The following ELK3 variants were observed in gnomAD, a reference collection of about 807,000 sequenced individuals.
ELK3 encodes the protein ETS transcription factor ELK3, also known as ETS domain-containing protein Elk-3.
ELK3 carries 10 observed loss-of-function variants against 28.9 expected under a neutral mutation model. That is an observed-to-expected ratio of 0.35 (90% CI 0.21 to 0.59). ELK3 has a LOEUF of 0.59. ELK3 is among the 20% of genes least tolerant of loss of function. The probability of loss-of-function intolerance (pLI) is 0.82; values close to 1 mark genes in which losing one functional copy is unlikely to be tolerated. For missense variants in ELK3, 463 were observed against 517.3 expected, an observed-to-expected ratio of 0.90 and a Z score of 1.02; for synonymous variants, 272 against 243.5, an observed-to-expected ratio of 1.12 and a Z score of -1.09.
At chr12:96,231,867 C>G (rs1281484013) in intron 2 of ELK3, among the ~76,000 whole-genome samples, 2 of 152,162 alleles carry the variant, frequency 1.3e-5, no homozygotes, top group African/African-American at 4.8e-5. Context: ...CCAGCCATCC[C>G]TTTGGAAACA....
At chr12:96,253,260 T>C (rs1423379129) in intron 3 of ELK3, among the ~76,000 whole-genome samples, 1 of 152,116 alleles carries the variant, frequency 6.6e-6, no homozygotes, top group Non-Finnish European at 1.5e-5. Context: ...AACTCGCATC[T>C]CACCAAAAAA....
chr12:96,269,756 TCTTCA>T lies in ELK3; in HGVS notation c.*2580_*2584del, dbSNP rs1157556832. On this transcript the variant is annotated 3_prime_UTR_variant, in exon 5 of 5. Coordinates refer to ENST00000228741, the MANE Select transcript of ELK3 (RefSeq NM_005230.4). Reference sequence around the variant, plus strand: ...TACACATCTTTTCTATGACTGCAAATCTTCACTTTATGTATCATTTTTACTGTCAT... The same window carrying T: ...TACACATCTTTTCTATGACTGCAAATCTTTATGTATCATTTTTACTGTCAT... The T allele has an allele frequency of 6.6e-6, 1 of 152,226 alleles. No homozygotes were observed. The highest frequency in any genetic ancestry group is 1.5e-5 in the Non-Finnish European group (1 of 68,026). The allele number at this position is 152,226 out of a possible 1,614,324, so 9.4% of individuals were successfully genotyped here.
chr12:96,204,586 TCAA>T (rs1188771482), intron 1 of ELK3, among the ~76,000 whole-genome samples: 1 of 152,076 alleles, frequency 6.6e-6, no homozygotes, highest in Non-Finnish European at 1.5e-5. Flanking sequence ...AGAGATTACA[TCAA>T]CAACAGCAGC....
At position 96,247,254 on chromosome 12, in the gene ELK3, C is replaced by A; in HGVS notation, c.522C>A (p.Pro174=). 11 of 1,614,202 alleles carry A rather than the reference C, an allele frequency of 6.8e-6. No homozygotes were observed. In the South Asian group the frequency reaches 1.1e-4, roughly 16 times the overall value. Residue 174 remains proline, a synonymous_variant, in exon 3 of 5, where the codon CCC becomes CCA. Coordinates refer to ENST00000228741, the MANE Select transcript of ELK3 (RefSeq NM_005230.4). The surrounding 1 kb of genome is among the most constrained non-coding windows in gnomAD (Gnocchi z 5.5). ...EKLEEPPEDS[P]PVEEVRTVIR... Reference sequence around the variant, plus strand: ...TGGAGGAGCCGCCCGAAGACAGCCCCCCCGTGGAAGAAGTCAGGACTGTGA... The same window carrying A: ...TGGAGGAGCCGCCCGAAGACAGCCCACCCGTGGAAGAAGTCAGGACTGTGA...
chr12:96,260,402 C>A (rs1210245569), intron 4 of ELK3, among the ~76,000 whole-genome samples: 1 of 152,150 alleles, frequency 6.6e-6, no homozygotes, highest in Non-Finnish European at 1.5e-5. Flanking sequence ...AAATAGTGAA[C>A]AATTTCCCCA....
intron 1 of ELK3, among the ~76,000 whole-genome samples, chr12:96,221,746 T>A (rs1592676635): frequency 6.6e-6 from 1 of 151,964 alleles, no homozygotes; most frequent in Non-Finnish European, 1.5e-5. Flanking sequence ...GCAGAGGTGG[T>A]TTTGACCCAG....
intron 2 of ELK3, among the ~76,000 whole-genome samples, chr12:96,225,345 G>A (rs937926671): frequency 4.6e-5 from 7 of 152,258 alleles, no homozygotes; most frequent in African/African-American, 1.4e-4. Context: ...TAAGGGTTGT[G>A]TCTCTTTAGC....
chr12:96,245,688 C>T (rs1014707487), intron 2 of ELK3, among the ~76,000 whole-genome samples: 6 of 152,088 alleles, frequency 3.9e-5, no homozygotes. Context: ...TCTCTCTGAG[C>T]CCCTTGGACG....
At chr12:96,239,896 G>C (rs1429550777) in intron 2 of ELK3, among the ~76,000 whole-genome samples, 1 of 152,234 alleles carries the variant, frequency 6.6e-6, no homozygotes, top group Non-Finnish European at 1.5e-5. Context: ...ACCACCTTTC[G>C]GGGCCTGACA....
At chr12:96,252,818 G>A (rs1261607236) in intron 3 of ELK3, among the ~76,000 whole-genome samples, 6 of 152,218 alleles carry the variant, frequency 3.9e-5, no homozygotes, top group Non-Finnish European at 8.8e-5. Flanking sequence ...AAAGGACTGA[G>A]AATATTACAT....
chr12:96,213,086 A>T (rs1210155499), intron 1 of ELK3, among the ~76,000 whole-genome samples: 1 of 152,212 alleles, frequency 6.6e-6, no homozygotes, highest in Non-Finnish European at 1.5e-5. Flanking sequence ...ATAGCTGTTT[A>T]TGTGTTGTGG....
At chr12:96,198,814 C>T (rs754883409) in intron 1 of ELK3, among the ~76,000 whole-genome samples, 1 of 152,078 alleles carries the variant, frequency 6.6e-6, no homozygotes. Flanking sequence ...ATGCACATAC[C>T]ATTTTTAATT....
chr12:96,213,144 A>T (rs1174124526), intron 1 of ELK3, among the ~76,000 whole-genome samples: 1 of 152,216 alleles, frequency 6.6e-6, no homozygotes, highest in Non-Finnish European at 1.5e-5. Flanking sequence ...AACCTTGTTG[A>T]AGGTTTAAAA....
intron 4 of ELK3, 133 bp from the exon 5 acceptor site, chr12:96,266,949 C>CATT: frequency 1.7e-6 from 1 of 586,116 alleles, no homozygotes; most frequent in East Asian, 3.2e-5. Context: ...CTGTAAAATA[C>CATT]ATTGGCAACT....
intron 1 of ELK3, among the ~76,000 whole-genome samples, chr12:96,206,822 C>G (rs1951541119): frequency 6.6e-6 from 1 of 152,132 alleles, no homozygotes; most frequent in Admixed American, 6.5e-5. Context: ...GTTAATGCCA[C>G]CAACAGCCAG....
intron 1 of ELK3, among the ~76,000 whole-genome samples, chr12:96,201,484 G>A (rs868706977): frequency 6.6e-5 from 10 of 151,204 alleles, no homozygotes; most frequent in South Asian, 2.1e-4. Context: ...GTGGTGGTGC[G>A]TGCCAGTAGT....
At chr12:96,233,156 A>G (rs1951755729) in intron 2 of ELK3, among the ~76,000 whole-genome samples, 1 of 152,132 alleles carries the variant, frequency 6.6e-6, no homozygotes, top group African/African-American at 2.4e-5. Flanking sequence ...CACCTTCAGC[A>G]TGAGGTGGAG....
Position 96,246,825 on chromosome 12 carries a change from A to C in ELK3, c.208-115A>C. The C allele has an allele frequency of 5.5e-6, 6 of 1,092,306 alleles. No individual in the cohort carries two copies. In the South Asian group the frequency reaches 9.8e-5, roughly 18 times the overall value. The allele number at this position is 1,092,306 out of a possible 1,614,324, so 67.7% of individuals were successfully genotyped here. ...CTCCTTCCACTTTTCCTTAGCCAAGAATGTAAATCAGGAACATTTTGGTGC... is the reference window on the plus strand; with the variant it reads ...CTCCTTCCACTTTTCCTTAGCCAAGCATGTAAATCAGGAACATTTTGGTGC... On this transcript the variant is annotated intron_variant, in intron 2 of 4. Coordinates refer to ENST00000228741, the MANE Select transcript of ELK3 (RefSeq NM_005230.4).
Position 96,268,371 on chromosome 12 carries a change from G to A in ELK3, c.*1191G>A, listed in dbSNP as rs1189724351. 6.6e-6 allele frequency: 1 copy of A among 152,208 alleles called. No homozygotes were observed. Among genetic ancestry groups the A allele is most frequent in the Non-Finnish European group, 1.5e-5 (1 of 68,030 alleles). The allele number at this position is 152,208 out of a possible 1,614,324, so 9.4% of individuals were successfully genotyped here. A position where few individuals can be genotyped will look rare whatever the true frequency, so the allele number is the denominator to read the frequency against. On this transcript the variant is annotated 3_prime_UTR_variant, in exon 5 of 5. Coordinates refer to ENST00000228741, the MANE Select transcript of ELK3 (RefSeq NM_005230.4). ...AGGGGAGAATGAAGGAAATCTGACA[G>A]ATGAAAAATTCTACAGGAACCTCAT...
Sources: gnomAD v4.1 joint callset for allele counts (sites outside exome capture counted in the v4.1 genomes callset) on GRCh38, gnomAD v4.1.1 for gene constraint, Gnocchi (gnomAD v3.1) non-coding constraint, MANE v1.5 for transcripts, NCBI Gene and HGNC (gene_info 2026-07-23, HGNC 2026-07-21) for gene names.